The following ACVR1C variants were observed in gnomAD, a reference collection of about 807,000 sequenced individuals.
ACVR1C encodes activin receptor type-1C.
ACVR1C carries 23 observed loss-of-function variants against 57.9 expected under a neutral mutation model. The observed-to-expected ratio is 0.40, with a 90% CI of 0.29 to 0.56. The LOEUF is 0.56. ACVR1C is among the 20% of genes least tolerant of loss of function. The probability of loss-of-function intolerance (pLI) is 0.50; values close to 1 mark genes in which losing one functional copy is unlikely to be tolerated. For synonymous variants in ACVR1C, 214 were observed against 215.3 expected (o/e 0.99, Z 0.05); for missense variants, 480 against 607.9 (o/e 0.79, Z 2.21).
intron 2 of ACVR1C, 68 bp downstream of exon 2, chr2:157,587,119 T>C: frequency 7.5e-7 from 1 of 1,341,358 alleles, no homozygotes; most frequent in Non-Finnish European, 1.1e-6. Context: ...GACAGTTTGA[T>C]TCCTACCATT....
chr2:157,569,507 A>G (rs1448114217), intron 2 of ACVR1C, among the ~76,000 whole-genome samples: 1 of 103,070 alleles, frequency 9.7e-6, no homozygotes, highest in Non-Finnish European at 2.0e-5. Context: ...TCAAATAGAC[A>G]CAATAGAAAA....
intron 7 of ACVR1C, among the ~76,000 whole-genome samples, chr2:157,539,833 A>G (rs1443690724): frequency 1.3e-5 from 2 of 152,222 alleles, no homozygotes; most frequent in African/African-American, 4.8e-5. Flanking sequence ...TATTGCTTCT[A>G]TAAACAGTTG....
Position 157,528,694 on chromosome 2 carries a change from C to T in ACVR1C, c.*5224G>A, listed in dbSNP as rs1031852711. ...GGGGCATATATTTCAAATTGTCTTTCCCAGTTACTATTTCTCAAGCGGAAT... is the reference window on the plus strand; with the variant it reads ...GGGGCATATATTTCAAATTGTCTTTTCCAGTTACTATTTCTCAAGCGGAAT... On this transcript the variant is annotated 3_prime_UTR_variant, in exon 9 of 9. Coordinates refer to ENST00000243349, the MANE Select transcript of ACVR1C (RefSeq NM_145259.3). 1 of 152,058 alleles carries T rather than the reference C, an allele frequency of 6.6e-6. No individual in the cohort carries two copies. The highest frequency in any genetic ancestry group is 2.4e-5 in the African/African-American group (1 of 41,416). The allele number at this position is 152,058 out of a possible 1,614,324, so 9.4% of individuals were successfully genotyped here.
At chr2:157,589,502 T>C (rs1244693667) in intron 1 of ACVR1C, among the ~76,000 whole-genome samples, 1 of 151,984 alleles carries the variant, frequency 6.6e-6, no homozygotes, top group Admixed American at 6.6e-5. Context: ...ATTCTGTTAA[T>C]TATTTCTTTG....
At position 157,528,467 on chromosome 2, in the gene ACVR1C, C is replaced by T. The variant is rs1249950154; in HGVS notation, c.*5451G>A. On this transcript the variant is annotated 3_prime_UTR_variant, in exon 9 of 9. Transcript: ENST00000243349. The stretch of plus-strand genomic sequence containing the variant: ...TCTAGGATGAAATACAGCTCATATT[C>T]TCTCGAATGTATTCATCTACAACTG... 1 of 152,226 alleles carries T rather than the reference C, an allele frequency of 6.6e-6. No homozygotes were observed. The highest frequency in any genetic ancestry group is 1.9e-4 in the East Asian group (1 of 5,188). The allele number at this position is 152,226 out of a possible 1,614,324, so 9.4% of individuals were successfully genotyped here. A position where few individuals can be genotyped will look rare whatever the true frequency, so the allele number is the denominator to read the frequency against.
intron 3 of ACVR1C, among the ~76,000 whole-genome samples, chr2:157,552,492 C>T (rs545884361): frequency 6.6e-6 from 1 of 152,284 alleles, no homozygotes; most frequent in East Asian, 1.9e-4. Context: ...AAAAGTTATG[C>T]TAACAATTAT....
intron 1 of ACVR1C, chr2:157,597,609 T>C: frequency 1.0e-6 from 1 of 979,044 alleles, no homozygotes; most frequent in African/African-American, 1.7e-5. Context: ...GGGTACCATC[T>C]AGTGGCAGCA....
At chr2:157,618,125 A>G (rs1037722409) in intron 1 of ACVR1C, among the ~76,000 whole-genome samples, 1 of 151,910 alleles carries the variant, frequency 6.6e-6, no homozygotes, top group African/African-American at 2.4e-5. Context: ...ATTTCTTTAA[A>G]GGTAATACAT....
rs1687885763 is a variant in ACVR1C, at chr2:157,550,351, C to T, written c.586G>A (p.Val196Met). ...LVQRTIARTI[V>M]LQEIVGKGRF... ...CCTTTTCCTACTATTTCCTGAAGCA[C>T]AATCGTCCTTGCAATTGTCCTTTGA... is the stretch of plus-strand genomic sequence containing the variant. Residue 196 changes from valine to methionine, a missense_variant, in exon 4 of 9, where the codon GTG becomes ATG. Physicochemically the swap from Val to Met is conservative, Grantham distance 21. Coordinates refer to ENST00000243349, the MANE Select transcript of ACVR1C (RefSeq NM_145259.3). The T allele has an allele frequency of 5.6e-6, 9 of 1,614,130 alleles. No homozygotes were observed. Among genetic ancestry groups the T allele is most frequent in the Non-Finnish European group, 7.6e-6 (9 of 1,180,022 alleles).
intron 1 of ACVR1C, among the ~76,000 whole-genome samples, 166 bp downstream of exon 1, chr2:157,628,406 C>T (rs1298709010): frequency 2.6e-5 from 4 of 152,206 alleles, no homozygotes; most frequent in Non-Finnish European, 5.9e-5. Context: ...GTCAGGTGCC[C>T]ACGCTGCACC....
At chr2:157,591,751 A>G (rs1161197838) in intron 1 of ACVR1C, among the ~76,000 whole-genome samples, 1 of 152,074 alleles carries the variant, frequency 6.6e-6, no homozygotes, top group African/African-American at 2.4e-5. Context: ...TAAAGCACTC[A>G]ACAATTAAAT....
intron 1 of ACVR1C, chr2:157,597,525 C>A (rs908280675): frequency 1.0e-6 from 1 of 985,466 alleles, no homozygotes; most frequent in Non-Finnish European, 1.2e-6. Flanking sequence ...CGACAGCTCC[C>A]GCGGGGCTCG....
chr2:157,541,294 C>T (rs756626970), intron 6 of ACVR1C, 80 bp from the exon 7 acceptor site: 53 of 1,418,800 alleles, frequency 3.7e-5, no homozygotes, highest in Non-Finnish European at 2.6e-5. Flanking sequence ...ATTAAGATAG[C>T]TTATGCCATT....
In ACVR1C at chr2:157,530,838, A is replaced by G. The variant is rs1558964514; in HGVS notation, c.*3080T>C. ...AAAGCATACAACAGAATCTGTACCA[A>G]TTACAAACTTAAAGGCAAAATTTAC... On this transcript the variant is annotated 3_prime_UTR_variant, in exon 9 of 9. Coordinates refer to ENST00000243349, the MANE Select transcript of ACVR1C (RefSeq NM_145259.3). 6.6e-6 allele frequency: 1 copy of G among 152,140 alleles called. No homozygotes were observed. The highest frequency in any genetic ancestry group is 1.5e-5 in the Non-Finnish European group (1 of 67,992). The allele number at this position is 152,140 out of a possible 1,614,324, so 9.4% of individuals were successfully genotyped here.
chr2:157,566,449 C>A (rs1490042672), intron 2 of ACVR1C, among the ~76,000 whole-genome samples: 1 of 152,190 alleles, frequency 6.6e-6, no homozygotes, highest in Admixed American at 6.5e-5. Flanking sequence ...ATCTGAGGTA[C>A]CGGGTTCATC....
At position 157,628,699 on chromosome 2, in the gene ACVR1C, CG is replaced by C; in HGVS notation, c.-56del. On this transcript the variant is annotated 5_prime_UTR_variant, in exon 1 of 9. Coordinates refer to ENST00000243349, the MANE Select transcript of ACVR1C (RefSeq NM_145259.3). ...AGGCCCCAGAGCAGAGCGAGGCAGC[CG>C]GGGCAGCACGGCCCGCTTTGAAGTT... is the stretch of plus-strand genomic sequence containing the variant. 26 of 1,413,580 alleles carry C rather than the reference CG, an allele frequency of 1.8e-5. No individual in the cohort carries two copies. The highest frequency in any genetic ancestry group is 1.5e-4 in the South Asian group (10 of 68,786). 87.6% of individuals were successfully genotyped at this position (1,413,580 alleles called of 1,614,324 possible).
intron 1 of ACVR1C, among the ~76,000 whole-genome samples, chr2:157,593,268 T>C (rs893717519): frequency 2.6e-5 from 4 of 152,200 alleles, no homozygotes; most frequent in Non-Finnish European, 5.9e-5. Flanking sequence ...CGCATTTATG[T>C]GCTATTCTTA....
At chr2:157,563,552 T>C (rs926705360) in intron 2 of ACVR1C, among the ~76,000 whole-genome samples, 1 of 152,224 alleles carries the variant, frequency 6.6e-6, no homozygotes, top group Non-Finnish European at 1.5e-5. Flanking sequence ...TAAATTAATC[T>C]ACAGATTCAA....
chr2:157,552,538 C>T (rs965980749), intron 3 of ACVR1C, among the ~76,000 whole-genome samples: 1 of 152,198 alleles, frequency 6.6e-6, no homozygotes, highest in Admixed American at 6.5e-5. Context: ...TCCCTTCCTC[C>T]TGCTAACCTA....
Sources: allele counts gnomAD v4.1 joint callset (sites outside exome capture counted in the v4.1 genomes callset), GRCh38; gene constraint gnomAD v4.1.1; transcripts MANE v1.5; gene names NCBI Gene and HGNC (gene_info 2026-07-23, HGNC 2026-07-21).